The following PHF3 variants were observed in gnomAD, a reference collection of about 807,000 sequenced individuals.
PHF3 encodes PHD finger protein 3.
A neutral mutation model predicts 178.4 loss-of-function variants in PHF3; 41 were observed. The observed-to-expected ratio is 0.23, with a 90% CI of 0.18 to 0.30. The LOEUF is 0.30. Ranked by LOEUF, PHF3 falls within the 10% of genes least tolerant of loss-of-function variation. The pLI, the probability that PHF3 is intolerant of heterozygous loss-of-function variation, is 1.00. For synonymous variants in PHF3, 842 were observed against 800.5 expected (o/e 1.05, Z -0.88); for missense variants, 2,346 against 2,398.1 (o/e 0.98, Z 0.45).
chr6:63,654,887 AC>A lies in PHF3; in HGVS notation c.244+8094del, dbSNP rs1343172401. ...ATCAGATAGTTATTTGTATTAGGTG[AC>A]CTTTTTTTTTTTTTTTTTTTTCGAG... On this transcript the variant is annotated intron_variant, in intron 2 of 15. Transcript: ENST00000262043. Among the ~76,000 whole-genome samples, 13 of 107,510 alleles carry A rather than the reference AC, an allele frequency of 1.2e-4. No homozygotes were observed. In the East Asian group the frequency reaches 3.5e-3, roughly 29 times the overall value. 70.5% of individuals were successfully genotyped at this position (107,510 alleles called of 152,430 possible).
intron 11 of PHF3, 125 bp from the exon 12 acceptor site, chr6:63,705,901 ACCC>A: frequency 1.5e-6 from 1 of 669,760 alleles, no homozygotes; most frequent in Non-Finnish European, 2.5e-6. Context: ...GTTAGATATA[ACCC>A]CAGGAAATGT....
In PHF3 at chr6:63,713,664, C is replaced by T; in HGVS notation, c.6076C>T (p.His2026Tyr). The change falls in exon 16 of 16, where the codon CAC (histidine) becomes TAC (tyrosine). Residue 2026 changes from histidine to tyrosine, a missense_variant. This residue lies in a region of PHF3 where 839 missense variants were observed against 806.9 expected (regional missense o/e 1.04). Transcript: ENST00000262043. ...REGEKDRDRY[H>Y]KDRDHTDRTK... is the part of the protein sequence containing the mutation. ...AGGAGAAAAGGACAGGGATAGGTACCACAAAGATAGGGACCACACTGACAG... is the reference window on the plus strand; with the variant it reads ...AGGAGAAAAGGACAGGGATAGGTACTACAAAGATAGGGACCACACTGACAG... The T allele has an allele frequency of 6.2e-7, 1 of 1,600,612 alleles. No homozygotes were observed. The highest frequency in any genetic ancestry group is 8.5e-7 in the Non-Finnish European group (1 of 1,176,298).
intron 2 of PHF3, among the ~76,000 whole-genome samples, chr6:63,672,688 C>G (rs933382406): frequency 6.6e-6 from 1 of 152,048 alleles, no homozygotes; most frequent in Non-Finnish European, 1.5e-5. Context: ...GAGAAGGACT[C>G]TACTTCTATA....
chr6:63,685,855 A>G lies in PHF3; in HGVS notation c.2133A>G (p.Lys711=), dbSNP rs1766676460. 1 of 1,613,416 alleles carries G rather than the reference A, an allele frequency of 6.2e-7. No individual in the cohort carries two copies. Among genetic ancestry groups the G allele is most frequent in the Admixed American group, 1.7e-5 (1 of 59,992 alleles). The change falls in exon 4 of 16, where the codon AAA becomes AAG. Residue 711 remains lysine, a synonymous_variant. Coordinates refer to ENST00000262043, the MANE Select transcript of PHF3 (RefSeq NM_001370348.2). The stretch of plus-strand genomic sequence containing the variant: ...ATCATAGCTCCTCATTTGAAAGCAA[A>G]TATATGTGGACTCCCAGCAAGCAGT... ...GSDHSSSFES[K]YMWTPSKQCG...
intron 9 of PHF3, among the ~76,000 whole-genome samples, chr6:63,702,108 G>T (rs568503233): frequency 2.0e-5 from 3 of 152,264 alleles, no homozygotes; most frequent in East Asian, 3.9e-4. Flanking sequence ...CTATTGTGGG[G>T]GATGTTAGAA....
rs887236386 is a variant in PHF3 at position 63,719,254 on chromosome 6, A to G, written c.*5546A>G. 2.6e-5 allele frequency among the ~76,000 whole-genome samples: 4 copies of G among 152,120 alleles called. No homozygotes were observed. The highest frequency in any genetic ancestry group is 9.6e-5 in the African/African-American group (4 of 41,466). On this transcript the variant is annotated 3_prime_UTR_variant, in exon 16 of 16. Coordinates refer to ENST00000262043, the MANE Select transcript of PHF3 (RefSeq NM_001370348.2). ...GACAAAAATCTCTAATAGTTTTTGAATGATAAATTACTACCTCGTTACTTT... is the reference window on the plus strand; with the variant it reads ...GACAAAAATCTCTAATAGTTTTTGAGTGATAAATTACTACCTCGTTACTTT...
intron 13 of PHF3, among the ~76,000 whole-genome samples, chr6:63,707,947 A>G (rs1031004621): frequency 6.6e-6 from 1 of 151,902 alleles, no homozygotes; most frequent in East Asian, 1.9e-4. Flanking sequence ...GCTTGCTGCA[A>G]TGTCTGCCTC....
intron 2 of PHF3, among the ~76,000 whole-genome samples, chr6:63,647,379 C>T (rs551671504): frequency 4.3e-4 from 66 of 152,040 alleles, no homozygotes; most frequent in Non-Finnish European, 8.5e-4. Flanking sequence ...TGAGTCTGGT[C>T]GCTTGCAATG....
intron 2 of PHF3, among the ~76,000 whole-genome samples, chr6:63,672,025 T>G (rs1362960569): frequency 6.6e-6 from 1 of 152,154 alleles, no homozygotes; most frequent in Admixed American, 6.5e-5. Context: ...GTGTTTTTAG[T>G]AGAGATGGGG....
intron 2 of PHF3, among the ~76,000 whole-genome samples, chr6:63,665,455 A>C (rs1335425406): frequency 1.3e-5 from 2 of 151,346 alleles, no homozygotes; most frequent in African/African-American, 2.4e-5. Flanking sequence ...TGTTTCATTA[A>C]AATTACTGTT....
At position 63,684,184 on chromosome 6, in the gene PHF3, A is replaced by G. The variant is rs759870475; in HGVS notation, c.462A>G (p.Pro154=). ...TTGCCAAGCGTTCAAATGCAGCACC[A>G]TTAAGTAACACAAAAAAAGCATCTG... The part of the protein sequence containing the change: ...STIAKRSNAA[P]LSNTKKASGK... Residue 154 remains proline (P), a synonymous_variant, in exon 4 of 16, where the codon CCA becomes CCG. Coordinates refer to ENST00000262043, the MANE Select transcript of PHF3 (RefSeq NM_001370348.2). The G allele has an allele frequency of 4.3e-6, 7 of 1,613,952 alleles. No individual in the cohort carries two copies. In the Admixed American group the frequency reaches 5.0e-5, roughly 12 times the overall value.
rs555145378 is a variant in PHF3 at position 63,703,596 on chromosome 6, G to C, written c.3292G>C (p.Val1098Leu). 1 of 1,612,980 alleles carries C rather than the reference G, an allele frequency of 6.2e-7. No individual in the cohort carries two copies. Among genetic ancestry groups the C allele is most frequent in the East Asian group, 2.2e-5 (1 of 44,748 alleles). The change falls in exon 11 of 16, where the codon GTT becomes CTT. Residue 1098 changes from valine (V) to leucine (L), a missense_variant. Physicochemically the swap from Val to Leu is conservative, Grantham distance 32. Transcript: ENST00000262043. ...AGGATCTGAAAAACAAAAAGAGGAG[G>C]TTGACTCTATGTCTAAAGATACCAC... ...PEGSEKQKEE[V>L]DSMSKDTTSQ...
intron 1 of PHF3, among the ~76,000 whole-genome samples, chr6:63,642,336 G>A (rs1376405188): frequency 2.6e-5 from 4 of 152,070 alleles, no homozygotes; most frequent in Admixed American, 2.6e-4. Context: ...CCTTCAATAC[G>A]GCATTTAGCA....
intron 2 of PHF3, among the ~76,000 whole-genome samples, chr6:63,651,640 G>A (rs1021722298): frequency 1.3e-5 from 2 of 152,124 alleles, no homozygotes; most frequent in African/African-American, 4.8e-5. Flanking sequence ...GGGATTACAG[G>A]TGTGTGCCAC....
intron 2 of PHF3, among the ~76,000 whole-genome samples, chr6:63,667,633 T>C (rs1412864): frequency 0.29 from 43,446 of 151,960 alleles, 6,459 homozygotes; most frequent in Admixed American, 0.37. Flanking sequence ...GCTATTATTT[T>C]CACCCGGTTT....
chr6:63,713,198 T>A lies in PHF3; in HGVS notation c.5610T>A (p.Gly1870=). The change falls in exon 16 of 16, where the codon GGT becomes GGA. Residue 1870 remains glycine (G), a synonymous_variant. Transcript: ENST00000262043. The part of the protein sequence containing the change: ...HLPGQPQRMM[G]PLSQASRYIG... ...CAGGTCAGCCACAGCGTATGATGGG[T>A]CCTCTCTCACAAGCATCAAGGTATA... The A allele has an allele frequency of 6.2e-7, 1 of 1,614,026 alleles. No individual in the cohort carries two copies. Among genetic ancestry groups the A allele is most frequent in the Non-Finnish European group, 8.5e-7 (1 of 1,179,972 alleles).
chr6:63,691,944 A>G lies in PHF3; in HGVS notation c.2397A>G (p.Thr799=). 6.2e-7 allele frequency: 1 copy of G among 1,613,434 alleles called. No individual in the cohort carries two copies. The part of the protein sequence containing the change: ...ATVEFHSGDK[T]MECEKLGLSK... ...TTGAATTCCATAGTGGAGATAAAAC[A>G]ATGGAGTGTGAAAAGCTTGGATTAT... Residue 799 remains threonine (T), a synonymous_variant, in exon 5 of 16, where the codon ACA becomes ACG. Coordinates refer to ENST00000262043, the MANE Select transcript of PHF3 (RefSeq NM_001370348.2).
rs372768186 is a variant in PHF3, at chr6:63,691,940, A to C, written c.2393A>C (p.Lys798Thr). The stretch of plus-strand genomic sequence containing the variant: ...ACAGTTGAATTCCATAGTGGAGATA[A>C]AACAATGGAGTGTGAAAAGCTTGGA... Reference protein sequence around the residue: ...QATVEFHSGDKTMECEKLGLS... With the variant: ...QATVEFHSGDTTMECEKLGLS... Residue 798 changes from lysine (K) to threonine (T), a missense_variant, in exon 5 of 16, where the codon AAA becomes ACA. Lys to Thr is a moderately conservative substitution (Grantham distance 78). Coordinates refer to ENST00000262043, the MANE Select transcript of PHF3 (RefSeq NM_001370348.2). The C allele has an allele frequency of 1.1e-4, 171 of 1,613,590 alleles. No homozygotes were observed. In the Middle Eastern group the frequency reaches 1.5e-3, roughly 14 times the overall value.
intron 3 of PHF3, among the ~76,000 whole-genome samples, chr6:63,682,910 A>G (rs920341061): frequency 1.3e-5 from 2 of 152,090 alleles, no homozygotes; most frequent in African/African-American, 4.8e-5. Flanking sequence ...TTTCATTTCA[A>G]GGATGAATAG....
Sources: gnomAD v4.1 joint callset for allele counts (sites outside exome capture counted in the v4.1 genomes callset) on GRCh38, gnomAD v4.1.1 for gene constraint, gnomAD v4.1.1 regional missense constraint, MANE v1.5 for transcripts, NCBI Gene and HGNC (gene_info 2026-07-23, HGNC 2026-07-21) for gene names.